The following SHISA9 variants were observed in gnomAD, a reference collection of about 807,000 sequenced individuals.
SHISA9 encodes shisa family member 9, also known as protein shisa-9.
Under a neutral mutation model 38.0 loss-of-function variants are expected in SHISA9, and 13 were observed. The observed-to-expected ratio is 0.34, with a 90% confidence interval of 0.22 to 0.54. SHISA9 has a LOEUF of 0.54. Among genes scored for constraint, SHISA9 ranks in the 20% least tolerant of loss-of-function variants. SHISA9 has a pLI of 0.91. For synonymous variants in SHISA9, 275 were observed against 242.0 expected (o/e 1.14, Z -1.27); for missense variants, 538 against 575.8 (o/e 0.93, Z 0.67).
intron 2 of SHISA9, among the ~76,000 whole-genome samples, chr16:13,164,897 A>G (rs2050623212): frequency 6.6e-6 from 1 of 152,156 alleles, no homozygotes; most frequent in Non-Finnish European, 1.5e-5. Context: ...ATGGCTTACA[A>G]TATGGTTCAT....
At chr16:13,018,968 G>C (rs963774750) in intron 2 of SHISA9, among the ~76,000 whole-genome samples, 4 of 152,168 alleles carry the variant, frequency 2.6e-5, no homozygotes, top group Non-Finnish European at 1.5e-5. Context: ...AAGTATCATA[G>C]ACTGAGTGCC....
At chr16:13,325,542 C>G in the SHISA9 span, among the ~76,000 whole-genome samples, 1 of 152,142 alleles carries the variant, frequency 6.6e-6, no homozygotes, top group Non-Finnish European at 1.5e-5. Context: ...TGTATTTATA[C>G]ATACTATAGA....
At chr16:13,086,718 T>C (rs574731237) in intron 2 of SHISA9, among the ~76,000 whole-genome samples, 1 of 152,210 alleles carries the variant, frequency 6.6e-6, no homozygotes, top group African/African-American at 2.4e-5. Flanking sequence ...TATGCTTGCC[T>C]TCTGAGGAAA....
the SHISA9 span, among the ~76,000 whole-genome samples, chr16:13,405,177 G>A: frequency 4.6e-5 from 7 of 152,146 alleles, no homozygotes; most frequent in Admixed American, 2.6e-4. Context: ...TGGTTCATTT[G>A]TCAATAATTG....
chr16:12,913,633 C>CA (rs1195976192), intron 1 of SHISA9, among the ~76,000 whole-genome samples: 1 of 152,020 alleles, frequency 6.6e-6, no homozygotes, highest in Non-Finnish European at 1.5e-5. Flanking sequence ...ATCACCCTTA[C>CA]AAAAAAAATC....
the SHISA9 span, among the ~76,000 whole-genome samples, chr16:13,392,433 A>T: frequency 1.3e-5 from 2 of 152,182 alleles, no homozygotes; most frequent in African/African-American, 2.4e-5. Flanking sequence ...AACATGTTTC[A>T]TTGTCTGGAT....
chr16:13,509,435 T>G, the SHISA9 span, among the ~76,000 whole-genome samples: 1 of 152,126 alleles, frequency 6.6e-6, no homozygotes, highest in East Asian at 1.9e-4. Context: ...AAGGCAGACA[T>G]GTCCTGCACA....
At chr16:13,286,656 T>C in the SHISA9 span, among the ~76,000 whole-genome samples, 1 of 152,228 alleles carries the variant, frequency 6.6e-6, no homozygotes, top group Non-Finnish European at 1.5e-5. Context: ...TGTGTGTTTG[T>C]TTATCACTAG....
At chr16:13,374,443 G>T in the SHISA9 span, among the ~76,000 whole-genome samples, 1 of 152,116 alleles carries the variant, frequency 6.6e-6, no homozygotes, top group South Asian at 2.1e-4. Context: ...GCAATAGTTT[G>T]CTCAGAATGA....
intron 2 of SHISA9, among the ~76,000 whole-genome samples, chr16:12,988,036 A>C (rs894808720): frequency 7.2e-5 from 11 of 152,194 alleles, no homozygotes; most frequent in African/African-American, 2.7e-4. Flanking sequence ...CCCAAAGAGG[A>C]AAAAGAATAT....
At chr16:12,955,521 A>C (rs970486888) in intron 2 of SHISA9, among the ~76,000 whole-genome samples, 16 of 102,210 alleles carry the variant, frequency 1.6e-4, no homozygotes, top group African/African-American at 4.4e-4. Context: ...ATAGGCCAAA[A>C]AAAAAAATGT....
At chr16:13,389,116 T>G in the SHISA9 span, among the ~76,000 whole-genome samples, 1 of 152,196 alleles carries the variant, frequency 6.6e-6, no homozygotes, top group South Asian at 2.1e-4. Flanking sequence ...ACTTTTGGTG[T>G]TGTACATTCT....
At chr16:12,914,798 C>T (rs191510388) in intron 1 of SHISA9, among the ~76,000 whole-genome samples, 60 of 152,314 alleles carry the variant, frequency 3.9e-4, no homozygotes, top group African/African-American at 1.4e-3. Context: ...CAGATTCTTG[C>T]AGGTTGCTGG....
the SHISA9 span, among the ~76,000 whole-genome samples, chr16:13,540,054 T>G: frequency 6.6e-6 from 1 of 152,212 alleles, no homozygotes; most frequent in Non-Finnish European, 1.5e-5. Context: ...AATACTGTGA[T>G]GAACATACAC....
the SHISA9 span, among the ~76,000 whole-genome samples, chr16:13,437,419 C>T: frequency 6.6e-6 from 1 of 152,114 alleles, no homozygotes; most frequent in East Asian, 1.9e-4. Flanking sequence ...TATGCCCAAC[C>T]ACTCAGTAAA....
chr16:13,223,554 GC>G (rs1283819770), intron 4 of SHISA9, among the ~76,000 whole-genome samples: 5 of 152,134 alleles, frequency 3.3e-5, no homozygotes, highest in African/African-American at 1.2e-4. Flanking sequence ...AAGACTGGGG[GC>G]TCTACCATAG....
chr16:13,497,477 A>C, the SHISA9 span, among the ~76,000 whole-genome samples: 1 of 152,274 alleles, frequency 6.6e-6, no homozygotes, highest in African/African-American at 2.4e-5. Context: ...CGAGGTCAGG[A>C]GTTTGAGACC....
intron 3 of SHISA9, 134 bp downstream of exon 3, chr16:13,203,683 C>T: frequency 1.0e-6 from 1 of 959,594 alleles, no homozygotes; most frequent in East Asian, 2.8e-5. Context: ...TTCTGCTTTT[C>T]TCTGCCTCTA....
At chr16:13,455,109 C>A in the SHISA9 span, among the ~76,000 whole-genome samples, 1 of 152,090 alleles carries the variant, frequency 6.6e-6, no homozygotes, top group Non-Finnish European at 1.5e-5. Context: ...TATATAACCA[C>A]ATAATTATAC....
Sources: allele counts gnomAD v4.1 joint callset (sites outside exome capture counted in the v4.1 genomes callset), GRCh38; gene constraint gnomAD v4.1.1; transcripts MANE v1.5; gene names NCBI Gene and HGNC (gene_info 2026-07-23, HGNC 2026-07-21).